CCSER1: variants seen among roughly 807,000 people sequenced by gnomAD.
CCSER1 encodes the protein serine-rich coiled-coil domain-containing protein 1.
Under a neutral mutation model 82.0 loss-of-function variants are expected in CCSER1, and 41 were observed. The observed-to-expected ratio is 0.50, with a 90% confidence interval of 0.39 to 0.65. The LOEUF (loss-of-function observed/expected upper bound fraction) is 0.65, where lower values mean the gene tolerates loss of function less well. CCSER1 is among the 30% of genes least tolerant of loss of function. The pLI, the probability that CCSER1 is intolerant of heterozygous loss-of-function variation, is 0.00. For missense variants in CCSER1, 1,119 were observed against 1,064.2 expected (o/e 1.05, Z -0.72); for synonymous variants, 414 against 383.9 (o/e 1.08, Z -0.92).
chr4:91,027,728 G>A (rs894265843), intron 9 of CCSER1, among the ~76,000 whole-genome samples: 3 of 152,000 alleles, frequency 2.0e-5, no homozygotes, highest in African/African-American at 7.2e-5. Flanking sequence ...TAATTTTAGT[G>A]AGGCATATTG....
intron 6 of CCSER1, among the ~76,000 whole-genome samples, chr4:90,719,247 C>T (rs1580132864): frequency 6.6e-6 from 1 of 152,030 alleles, no homozygotes; most frequent in African/African-American, 2.4e-5. Flanking sequence ...ACTGCGCATG[C>T]GAGGTTTGAA....
At chr4:91,147,213 A>G (rs1729627381) in intron 10 of CCSER1, among the ~76,000 whole-genome samples, 1 of 152,130 alleles carries the variant, frequency 6.6e-6, no homozygotes. Flanking sequence ...CGGTGGTTTC[A>G]TGGGTGTGCA....
intron 10 of CCSER1, among the ~76,000 whole-genome samples, chr4:91,349,422 T>A (rs1017002285): frequency 1.6e-5 from 1 of 64,434 alleles, no homozygotes; most frequent in Non-Finnish European, 2.8e-5. Flanking sequence ...ATTCTCCTGA[T>A]GTAATGGTTA....
At chr4:91,189,870 G>T (rs1421532492) in intron 10 of CCSER1, among the ~76,000 whole-genome samples, 2 of 151,946 alleles carry the variant, frequency 1.3e-5, no homozygotes, top group African/African-American at 4.8e-5. Flanking sequence ...AGAGATTTGA[G>T]TTTATAAATT....
chr4:91,215,957 C>A (rs923042259), intron 10 of CCSER1, among the ~76,000 whole-genome samples: 15 of 152,150 alleles, frequency 9.9e-5, no homozygotes, highest in African/African-American at 3.6e-4. Flanking sequence ...ACCAAAATTT[C>A]AAATATGAGT....
At chr4:90,503,762 A>G (rs1333388586) in intron 5 of CCSER1, among the ~76,000 whole-genome samples, 1 of 152,128 alleles carries the variant, frequency 6.6e-6, no homozygotes, top group Non-Finnish European at 1.5e-5. Flanking sequence ...TTATGGCTGC[A>G]TAGTATTCCA....
At chr4:90,347,571 T>C (rs1742598210) in intron 3 of CCSER1, among the ~76,000 whole-genome samples, 1 of 152,126 alleles carries the variant, frequency 6.6e-6, no homozygotes, top group Non-Finnish European at 1.5e-5. Context: ...AGAACGTGAA[T>C]CATCTCTTTG....
chr4:91,543,367 T>C (rs1404592237), intron 10 of CCSER1, among the ~76,000 whole-genome samples: 2 of 152,200 alleles, frequency 1.3e-5, no homozygotes, highest in Admixed American at 6.5e-5. Context: ...GTTATTTTGC[T>C]TGTTAGTTGA....
chr4:90,319,495 C>CA (rs1278586184), intron 3 of CCSER1, among the ~76,000 whole-genome samples: 4 of 151,946 alleles, frequency 2.6e-5, no homozygotes, highest in African/African-American at 9.7e-5. Context: ...ACTACAAATA[C>CA]AAAAAATTAG....
intron 1 of CCSER1, among the ~76,000 whole-genome samples, chr4:90,158,876 T>C (rs1431434525): frequency 6.6e-6 from 1 of 152,108 alleles, no homozygotes; most frequent in African/African-American, 2.4e-5. Flanking sequence ...CAGGGTGTGC[T>C]GCACCCACTG....
chr4:91,586,066 C>T (rs961735335), intron 10 of CCSER1, among the ~76,000 whole-genome samples: 2 of 151,420 alleles, frequency 1.3e-5, no homozygotes, highest in African/African-American at 4.8e-5. Context: ...TAAATAGAAT[C>T]GCTGTCAACT....
chr4:90,975,317 C>T (rs1055065883), intron 9 of CCSER1, among the ~76,000 whole-genome samples: 5 of 151,144 alleles, frequency 3.3e-5, no homozygotes, highest in African/African-American at 1.2e-4. Flanking sequence ...TGCAAATATA[C>T]TAAGGAAACA....
chr4:91,153,223 T>C (rs542338794), intron 10 of CCSER1, among the ~76,000 whole-genome samples: 37 of 152,114 alleles, frequency 2.4e-4, no homozygotes, highest in African/African-American at 8.2e-4. Context: ...TTACTGTTTT[T>C]TCTCTAAACC....
At chr4:91,290,474 A>G (rs1348105403) in intron 10 of CCSER1, among the ~76,000 whole-genome samples, 1 of 151,984 alleles carries the variant, frequency 6.6e-6, no homozygotes, top group Non-Finnish European at 1.5e-5. Context: ...GTATATGTGT[A>G]CATTTATCTG....
At chr4:91,091,060 A>G (rs979773013) in intron 10 of CCSER1, among the ~76,000 whole-genome samples, 3 of 151,894 alleles carry the variant, frequency 2.0e-5, no homozygotes, top group African/African-American at 7.3e-5. Context: ...CAGTACCCAC[A>G]TTTTTTTCCA....
chr4:91,158,863 T>A (rs1731091203), intron 10 of CCSER1, among the ~76,000 whole-genome samples: 1 of 151,978 alleles, frequency 6.6e-6, no homozygotes, highest in Non-Finnish European at 1.5e-5. Flanking sequence ...AGAAGATAAT[T>A]AGGACATAGG....
intron 6 of CCSER1, among the ~76,000 whole-genome samples, chr4:90,660,503 A>G (rs1393942517): frequency 6.6e-6 from 1 of 152,100 alleles, no homozygotes; most frequent in Non-Finnish European, 1.5e-5. Flanking sequence ...TCAAATTGAT[A>G]TATGATATTC....
At chr4:90,297,335 A>T (rs1276514072) in intron 1 of CCSER1, among the ~76,000 whole-genome samples, 25 of 149,902 alleles carry the variant, frequency 1.7e-4, no homozygotes, top group African/African-American at 6.1e-4. Context: ...ATTTTTGTAC[A>T]TTGATTTTAT....
At chr4:91,513,104 C>T (rs931186227) in intron 10 of CCSER1, among the ~76,000 whole-genome samples, 3 of 152,050 alleles carry the variant, frequency 2.0e-5, no homozygotes, top group East Asian at 3.9e-4. Context: ...GCATTTGTCA[C>T]AGATGGCTCT....
Sources: allele counts gnomAD v4.1 joint callset (sites outside exome capture counted in the v4.1 genomes callset), GRCh38; gene constraint gnomAD v4.1.1; transcripts MANE v1.5; gene names NCBI Gene and HGNC (gene_info 2026-07-23, HGNC 2026-07-21).